Variants in DOCK1 observed in about 807,000 individuals in gnomAD.
The protein encoded by DOCK1 is dedicator of cytokinesis protein 1.
A neutral mutation model predicts 262.7 loss-of-function variants in DOCK1; 138 were observed. The observed-to-expected ratio is 0.53, with a 90% confidence interval of 0.46 to 0.61. The LOEUF (loss-of-function observed/expected upper bound fraction) is 0.61. Ranked by LOEUF, DOCK1 falls within the 20% of genes least tolerant of loss-of-function variation. The probability of loss-of-function intolerance (pLI) is 0.00; values close to 1 mark genes in which losing one functional copy is unlikely to be tolerated. For synonymous variants in DOCK1, 866 were observed against 867.4 expected (o/e 1.00, Z 0.03); for missense variants, 1,908 against 2,370.7 (o/e 0.80, Z 4.05).
chr10:127,000,226 G>A lies in DOCK1; in HGVS notation c.904G>A (p.Val302Ile). ...REKISFVCQI[V>I]RVGRMELRDN... Reference sequence around the variant, plus strand: ...GAAAATCAGTTTTGTCTGTCAGATTGTTCGCGTGGGTCGCATGGAGCTGAG... The same window carrying A: ...GAAAATCAGTTTTGTCTGTCAGATTATTCGCGTGGGTCGCATGGAGCTGAG... Residue 302 changes from valine (V) to isoleucine (I), a missense_variant, in exon 10 of 52, where the codon GTT becomes ATT. Transcript: ENST00000623213. 6.2e-7 allele frequency: 1 copy of A among 1,614,036 alleles called. No individual in the cohort carries two copies. Among genetic ancestry groups the A allele is most frequent in the Non-Finnish European group, 8.5e-7 (1 of 1,179,894 alleles).
At chr10:126,983,778 C>A (rs578175987) in intron 4 of DOCK1, among the ~76,000 whole-genome samples, 1 of 152,324 alleles carries the variant, frequency 6.6e-6, no homozygotes, top group South Asian at 2.1e-4. Context: ...CATTCATTCT[C>A]AGACATCCCA....
At position 127,175,217 on chromosome 10, in the gene DOCK1, C is replaced by T. The variant is rs1432355478; in HGVS notation, c.2847+47453C>T. 18 of 1,611,424 alleles carry T rather than the reference C, an allele frequency of 1.1e-5. No homozygotes were observed. The highest frequency in any genetic ancestry group is 4.5e-5 in the East Asian group (2 of 44,860). ...ACATGGGTGAACATACATACCCTTC[C>T]CGATGGGCCTCTCCTTTTTCCAACT... On this transcript the variant is annotated intron_variant, in intron 27 of 51. Coordinates refer to ENST00000623213, the MANE Select transcript of DOCK1 (RefSeq NM_001290223.2). This position sits in a 1 kb window ranked among gnomAD's most constrained non-coding sequence, Gnocchi z 6.3.
chr10:127,354,390 T>C (rs958685247), intron 31 of DOCK1, among the ~76,000 whole-genome samples: 1 of 152,128 alleles, frequency 6.6e-6, no homozygotes, highest in African/African-American at 2.4e-5. Context: ...AGCCAAGAGA[T>C]TGAAGAAAGG....
chr10:127,080,116 A>G (rs1268096111), intron 23 of DOCK1, among the ~76,000 whole-genome samples: 1 of 152,134 alleles, frequency 6.6e-6, no homozygotes, highest in Non-Finnish European at 1.5e-5. Flanking sequence ...ATGCAAAAAT[A>G]TAAACAGGAT....
At chr10:127,231,421 T>A (rs2058836544) in intron 27 of DOCK1, among the ~76,000 whole-genome samples, 1 of 152,084 alleles carries the variant, frequency 6.6e-6, no homozygotes, top group South Asian at 2.1e-4. Context: ...TTTTTCTTAT[T>A]CTTTTTTTTT....
chr10:127,125,706 G>T (rs1047496499), intron 26 of DOCK1, 105 bp downstream of exon 26: 1 of 1,450,080 alleles, frequency 6.9e-7, no homozygotes. Flanking sequence ...TGATTTTAAG[G>T]TCTAGCCTCT....
intron 27 of DOCK1, chr10:127,137,919 T>TGA: frequency 6.2e-7 from 1 of 1,613,998 alleles, no homozygotes; most frequent in Non-Finnish European, 8.5e-7. Context: ...GTAAGTCTCC[T>TGA]GAGAGTAAGG....
intron 27 of DOCK1, among the ~76,000 whole-genome samples, chr10:127,206,597 T>G (rs960583444): frequency 2.0e-5 from 3 of 152,172 alleles, no homozygotes; most frequent in African/African-American, 4.8e-5. Flanking sequence ...ACTTAGGTGC[T>G]CTATGTTCTC....
chr10:126,958,010 G>A (rs961739134), intron 1 of DOCK1, among the ~76,000 whole-genome samples: 59 of 152,266 alleles, frequency 3.9e-4, no homozygotes, highest in East Asian at 1.2e-3. Context: ...AGCATTGACC[G>A]TTATTTATGA....
chr10:127,299,794 A>G (rs1428468252), intron 29 of DOCK1, among the ~76,000 whole-genome samples: 1 of 152,156 alleles, frequency 6.6e-6, no homozygotes, highest in Non-Finnish European at 1.5e-5. Context: ...CCAGGGTATG[A>G]TCAGCGAGAG....
chr10:127,371,766 G>T (rs2065222008), intron 33 of DOCK1, among the ~76,000 whole-genome samples: 1 of 152,172 alleles, frequency 6.6e-6, no homozygotes, highest in Non-Finnish European at 1.5e-5. Flanking sequence ...CACCATCTGG[G>T]AGATGGCACT....
chr10:127,110,736 T>C (rs2048815653), intron 25 of DOCK1, among the ~76,000 whole-genome samples: 2 of 152,352 alleles, frequency 1.3e-5, no homozygotes, highest in South Asian at 4.1e-4. Flanking sequence ...GGTTTTATCT[T>C]ATTCTGAACT....
At chr10:127,216,771 G>A (rs1354558398) in intron 27 of DOCK1, among the ~76,000 whole-genome samples, 5 of 152,132 alleles carry the variant, frequency 3.3e-5, no homozygotes, top group Non-Finnish European at 7.3e-5. Flanking sequence ...GACTTTTCAA[G>A]GTTGGTGAAG....
chr10:127,062,302 C>A (rs562317521), intron 23 of DOCK1, among the ~76,000 whole-genome samples: 1 of 152,056 alleles, frequency 6.6e-6, no homozygotes, highest in Admixed American at 6.6e-5. Context: ...ATGGGACATA[C>A]GCTGATATTT....
At chr10:126,956,077 C>T (rs1192736215) in intron 1 of DOCK1, among the ~76,000 whole-genome samples, 1 of 152,162 alleles carries the variant, frequency 6.6e-6, no homozygotes, top group Non-Finnish European at 1.5e-5. Flanking sequence ...TTTCGGTCTG[C>T]AAGTATGGAA....
At chr10:127,073,708 A>C (rs568694638) in intron 23 of DOCK1, among the ~76,000 whole-genome samples, 1 of 152,270 alleles carries the variant, frequency 6.6e-6, no homozygotes, top group African/African-American at 2.4e-5. Flanking sequence ...TCTTTTAAGC[A>C]GGAGGCTATC....
At chr10:127,415,288 C>T in intron 44 of DOCK1, 50 bp downstream of exon 44, 3 of 1,557,236 alleles carry the variant, frequency 1.9e-6, no homozygotes, top group Non-Finnish European at 2.6e-6. Context: ...TTCCTCAATA[C>T]AGTCTGCCAC....
chr10:127,251,196 A>G (rs2059626789), intron 28 of DOCK1, among the ~76,000 whole-genome samples: 2 of 151,314 alleles, frequency 1.3e-5, no homozygotes, highest in African/African-American at 4.9e-5. Context: ...CCAACTCCCA[A>G]CCTCAGGTGA....
At chr10:126,964,247 G>T (rs2037493360) in intron 1 of DOCK1, among the ~76,000 whole-genome samples, 1 of 152,228 alleles carries the variant, frequency 6.6e-6, no homozygotes, top group Non-Finnish European at 1.5e-5. Flanking sequence ...GTGAAAGGTT[G>T]TTCCTTGGAG....
Sources: allele counts gnomAD v4.1 joint callset (sites outside exome capture counted in the v4.1 genomes callset), GRCh38; gene constraint gnomAD v4.1.1; non-coding constraint Gnocchi (gnomAD v3.1); transcripts MANE v1.5; gene names NCBI Gene and HGNC (gene_info 2026-07-23, HGNC 2026-07-21).